The following PUF60 variants were observed in gnomAD, a reference collection of about 807,000 sequenced individuals.
PUF60 encodes poly(U)-binding-splicing factor PUF60.
PUF60 carries 10 observed loss-of-function variants against 61.8 expected under a neutral mutation model. That is an observed-to-expected ratio of 0.16 (90% CI 0.10 to 0.27). The LOEUF (loss-of-function observed/expected upper bound fraction) is 0.27. Ranked by LOEUF, PUF60 falls within the 10% of genes least tolerant of loss-of-function variation. The pLI, the probability that PUF60 is intolerant of heterozygous loss-of-function variation, is 1.00. For missense variants in PUF60, 371 were observed against 754.0 expected (o/e 0.49, Z 5.95); for synonymous variants, 353 against 300.9 (o/e 1.17, Z -1.79).
At chr8:143,820,895 C>A (rs1217023624) in intron 4 of PUF60, among the ~76,000 whole-genome samples, 179 bp from the exon 5 acceptor site, 1 of 152,168 alleles carries the variant, frequency 6.6e-6, no homozygotes, top group East Asian at 1.9e-4. Flanking sequence ...CCCCATGTGC[C>A]CCGCCCTGCA....
Position 143,829,307 on chromosome 8 carries a change from G to C in PUF60, c.-4C>G. ...GAGCTATGGTCGCCGTCGCCATCTT[G>C]CGTCCGTCGCGGCCTCCGCGCGCGC... On this transcript the variant is annotated 5_prime_UTR_variant, in exon 1 of 12. Transcript: ENST00000526683. 1.6e-6 allele frequency: 2 copies of C among 1,262,860 alleles called. No homozygotes were observed. The highest frequency in any genetic ancestry group is 3.1e-5 in the East Asian group (1 of 31,790). The allele number at this position is 1,262,860 out of a possible 1,614,324, so 78.2% of individuals were successfully genotyped here.
rs1270950213 is a variant in PUF60, at chr8:143,816,458, G to C, written c.*62C>G. 4 of 1,545,168 alleles carry C rather than the reference G, an allele frequency of 2.6e-6. No individual in the cohort carries two copies. In the Admixed American group the frequency reaches 5.6e-5, roughly 21 times the overall value. ...CGCGCCTGGCCCCGGGGACACCACT[G>C]TATCACTATAAAACCCAGAGGAAAC... On this transcript the variant is annotated 3_prime_UTR_variant, in exon 12 of 12. Coordinates refer to ENST00000526683, the MANE Select transcript of PUF60 (RefSeq NM_078480.3).
Position 143,818,326 on chromosome 8 carries a change from G to A in PUF60, c.511-41C>T. On this transcript the variant is annotated intron_variant, in intron 6 of 11. Transcript: ENST00000526683. This position sits in a 1 kb window ranked among gnomAD's most constrained non-coding sequence, Gnocchi z 7.9. ...CACCTGTCAGGCTGCGCGAGCCCAG[G>A]GGTGGGGGCGAGCCCGAAGTGGCCG... The A allele has an allele frequency of 6.2e-7, 1 of 1,608,374 alleles. No individual in the cohort carries two copies. The highest frequency in any genetic ancestry group is 8.5e-7 in the Non-Finnish European group (1 of 1,176,646).
At position 143,818,732 on chromosome 8, in the gene PUF60, C is replaced by A; in HGVS notation, c.349-198G>T. The A allele has an allele frequency of 3.1e-6, 2 of 636,418 alleles. No homozygotes were observed. Among genetic ancestry groups the A allele is most frequent in the Non-Finnish European group, 2.7e-6 (1 of 374,770 alleles). The allele number at this position is 636,418 out of a possible 1,614,324, so 39.4% of individuals were successfully genotyped here. A position where few individuals can be genotyped will look rare whatever the true frequency, so the allele number is the denominator to read the frequency against. On this transcript the variant is annotated intron_variant, in intron 5 of 11. Coordinates refer to ENST00000526683, the MANE Select transcript of PUF60 (RefSeq NM_078480.3). The surrounding 1 kb of genome is among the most constrained non-coding windows in gnomAD (Gnocchi z 7.9). The stretch of plus-strand genomic sequence containing the variant: ...CGCCACCCAAAGAAGGAAGGCCAGG[C>A]CCAGCGGCAGGACAGGACGCACCCC...
rs568163589 is a variant in PUF60 at position 143,823,248 on chromosome 8, C to A, written c.111+1065G>T. ...ACCCTCAGCACCAGGTGCCCCAGTCCGGCTCACACTAGGCCTGTCCTCACC... is the reference window on the plus strand; with the variant it reads ...ACCCTCAGCACCAGGTGCCCCAGTCAGGCTCACACTAGGCCTGTCCTCACC... On this transcript the variant is annotated intron_variant, in intron 2 of 11. Coordinates refer to ENST00000526683, the MANE Select transcript of PUF60 (RefSeq NM_078480.3). 817 of 158,120 alleles carry A rather than the reference C, an allele frequency of 5.2e-3. 7 individuals carry two copies. The highest frequency in any genetic ancestry group is 0.013 in the Middle Eastern group (4 of 314). 9.8% of individuals were successfully genotyped at this position (158,120 alleles called of 1,614,324 possible). A position where few individuals can be genotyped will look rare whatever the true frequency, so the allele number is the denominator to read the frequency against.
chr8:143,828,369 G>A (rs1287837817), intron 1 of PUF60, among the ~76,000 whole-genome samples: 1 of 152,240 alleles, frequency 6.6e-6, no homozygotes, highest in East Asian at 1.9e-4. Flanking sequence ...TAATACAGGG[G>A]TAAACTGCGG....
chr8:143,818,259 G>A lies in PUF60; in HGVS notation c.537C>T (p.Val179=), dbSNP rs1316512006. The change falls in exon 7 of 12, where the codon GTC becomes GTT. Residue 179 remains valine, a synonymous_variant. Coordinates refer to ENST00000526683, the MANE Select transcript of PUF60 (RefSeq NM_078480.3). The surrounding 1 kb of genome is among the most constrained non-coding windows in gnomAD (Gnocchi z 7.9). ...HKGFAFVEYE[V]PEAAQLALEQ... ...CCAAGGCCAGCTGTGCAGCTTCGGG[G>A]ACCTCATACTCCACGAAGGCAAAGC... 5 of 1,610,628 alleles carry A rather than the reference G, an allele frequency of 3.1e-6. 1 individual carries two copies. The South Asian group carries it at 3.3e-5, about 11-fold the overall frequency.
chr8:143,819,464 G>C (rs1816766426), intron 5 of PUF60, among the ~76,000 whole-genome samples: 1 of 152,122 alleles, frequency 6.6e-6, no homozygotes, highest in Middle Eastern at 3.2e-3. Flanking sequence ...CAGACAGCTG[G>C]AGCCAGGCCC....
intron 2 of PUF60, 107 bp from the exon 3 acceptor site, chr8:143,822,020 C>G (rs537106901): frequency 1.3e-6 from 1 of 793,868 alleles, no homozygotes; most frequent in Admixed American, 2.9e-5. Flanking sequence ...GGCCTGTACT[C>G]AGGCCAGCCC....
rs201851092 is a variant in PUF60 at position 143,817,013 on chromosome 8, G to A, written c.1277C>T (p.Pro426Leu). 1 of 1,608,980 alleles carries A rather than the reference G, an allele frequency of 6.2e-7. No homozygotes were observed. The highest frequency in any genetic ancestry group is 8.5e-7 in the Non-Finnish European group (1 of 1,177,914). Residue 426 changes from proline to leucine, a missense_variant, in exon 11 of 12, where the codon CCC becomes CTC. Around this residue, in one of 13 missense-constraint regions of PUF60, gnomAD observed 68 missense variants for 69.4 expected, o/e 0.98. Transcript: ENST00000526683. This position sits in a 1 kb window ranked among gnomAD's most constrained non-coding sequence, Gnocchi z 7.4. ...CAGCATCTCTGGCCGCTCTGACTCG[G>A]GAAACAGCTCCTCTTCTTCCTTCTC... ...KKEKEEEELFPESERPEMLSE... is the reference protein window; with the variant it reads ...KKEKEEEELFLESERPEMLSE...
rs1337742857 is a variant in PUF60, at chr8:143,824,402, G to C, written c.25-3C>G. 6.2e-7 allele frequency: 1 copy of C among 1,611,170 alleles called. No individual in the cohort carries two copies. Among genetic ancestry groups the C allele is most frequent in the African/African-American group, 1.3e-5 (1 of 74,920 alleles). On this transcript the variant is annotated splice_region_variant and splice_polypyrimidine_tract_variant and intron_variant, in intron 1 of 11. Coordinates refer to ENST00000526683, the MANE Select transcript of PUF60 (RefSeq NM_078480.3). ...CCTCCTTGCTGGCCATTGACCTGCT[G>C]CAGGCAGGAAGGAGATGTTGTAACG...
intron 1 of PUF60, chr8:143,825,020 G>T (rs572511996): frequency 6.5e-6 from 1 of 152,798 alleles, no homozygotes; most frequent in African/African-American, 2.4e-5. Flanking sequence ...ACCTAAGGGG[G>T]CACAGGAAGG....
Position 143,821,524 on chromosome 8 carries a change from G to A in PUF60, c.297+73C>T, listed in dbSNP as rs1817018807. 8 of 1,316,364 alleles carry A rather than the reference G, an allele frequency of 6.1e-6. No individual in the cohort carries two copies. In the South Asian group the frequency reaches 1.0e-4, roughly 17 times the overall value. 81.5% of individuals were successfully genotyped at this position (1,316,364 alleles called of 1,614,324 possible). On this transcript the variant is annotated intron_variant, in intron 4 of 11. Transcript: ENST00000526683. The stretch of plus-strand genomic sequence containing the variant: ...TGCGGGGACGGCCGCAGGCCCAGGA[G>A]GAGGAAGAGCGTGAAGAGGAGGAGA...
intron 5 of PUF60, among the ~76,000 whole-genome samples, chr8:143,819,597 C>G (rs1194718156): frequency 1.3e-5 from 2 of 152,202 alleles, no homozygotes; most frequent in African/African-American, 2.4e-5. Context: ...CTCTCCACAT[C>G]AAGGGACTTC....
chr8:143,818,309 A>G lies in PUF60; in HGVS notation c.511-24T>C. 1 of 1,606,750 alleles carries G rather than the reference A, an allele frequency of 6.2e-7. No individual in the cohort carries two copies. The highest frequency in any genetic ancestry group is 8.5e-7 in the Non-Finnish European group (1 of 1,175,654). On this transcript the variant is annotated intron_variant, in intron 6 of 11. Coordinates refer to ENST00000526683, the MANE Select transcript of PUF60 (RefSeq NM_078480.3). This position sits in a 1 kb window ranked among gnomAD's most constrained non-coding sequence, Gnocchi z 7.9. ...CCCTAGACACAGGGACACACCTGTC[A>G]GGCTGCGCGAGCCCAGGGGTGGGGG...
In PUF60 at chr8:143,817,225, GGCTCAGAGGGTTGT is replaced by G; in HGVS notation, c.1144+92_1145-81del. On this transcript the variant is annotated intron_variant, in intron 10 of 11. Coordinates refer to ENST00000526683, the MANE Select transcript of PUF60 (RefSeq NM_078480.3). The surrounding 1 kb of genome is among the most constrained non-coding windows in gnomAD (Gnocchi z 7.4). The stretch of plus-strand genomic sequence containing the variant: ...AAAGGCACAGAGCTGGCCTGCCCTG[GGCTCAGAGGGTTGT>G]GCCCAGACCACCAGGGCCAGGCAGC... 1.3e-6 allele frequency: 2 copies of G among 1,520,006 alleles called. No homozygotes were observed. The highest frequency in any genetic ancestry group is 1.8e-6 in the Non-Finnish European group (2 of 1,133,132). 94.2% of individuals were successfully genotyped at this position (1,520,006 alleles called of 1,614,324 possible).
At position 143,817,229 on chromosome 8, in the gene PUF60, C is replaced by CA. The variant is rs1816441794; in HGVS notation, c.1145-85dup. 6.6e-7 allele frequency: 1 copy of CA among 1,522,536 alleles called. No individual in the cohort carries two copies. The allele number at this position is 1,522,536 out of a possible 1,614,324, so 94.3% of individuals were successfully genotyped here. On this transcript the variant is annotated intron_variant, in intron 10 of 11. Transcript: ENST00000526683. The surrounding 1 kb of genome is among the most constrained non-coding windows in gnomAD (Gnocchi z 7.4). ...GCACAGAGCTGGCCTGCCCTGGGCT[C>CA]AGAGGGTTGTGCCCAGACCACCAGG...
chr8:143,817,328 C>T lies in PUF60; in HGVS notation c.1144+3G>A, dbSNP rs752519563. 1 of 1,587,026 alleles carries T rather than the reference C, an allele frequency of 6.3e-7. No individual in the cohort carries two copies. The highest frequency in any genetic ancestry group is 2.2e-5 in the East Asian group (1 of 44,690). ...AGAGGATCTGGTACCACTTAAGACT[C>T]ACCTGTGATGACTCCAGGTGCCTGG... On this transcript the variant is annotated splice_donor_region_variant and intron_variant, in intron 10 of 11. Coordinates refer to ENST00000526683, the MANE Select transcript of PUF60 (RefSeq NM_078480.3). This position sits in a 1 kb window ranked among gnomAD's most constrained non-coding sequence, Gnocchi z 7.4.
intron 1 of PUF60, chr8:143,827,686 T>C (rs569587367): frequency 2.2e-5 from 7 of 322,390 alleles, no homozygotes; most frequent in African/African-American, 8.9e-5. Flanking sequence ...TGGAGCCGGA[T>C]GCAAGCCTGA....
Sources: allele counts gnomAD v4.1 joint callset (sites outside exome capture counted in the v4.1 genomes callset), GRCh38; gene constraint gnomAD v4.1.1; regional missense constraint gnomAD v4.1.1; non-coding constraint Gnocchi (gnomAD v3.1); transcripts MANE v1.5; gene names NCBI Gene and HGNC (gene_info 2026-07-23, HGNC 2026-07-21).